Variants in LHX4 observed in about 807,000 individuals in gnomAD.
LHX4 encodes LIM/homeobox protein Lhx4.
A neutral mutation model predicts 39.2 loss-of-function variants in LHX4; 16 were observed. The observed-to-expected ratio is 0.41, with a 90% CI of 0.28 to 0.62. LHX4 has a LOEUF of 0.62. Ranked by LOEUF, LHX4 falls within the 20% of genes least tolerant of loss-of-function variation. The pLI, the probability that LHX4 is intolerant of heterozygous loss-of-function variation, is 0.33. For synonymous variants in LHX4, 206 were observed against 198.1 expected (o/e 1.04, Z -0.33); for missense variants, 439 against 511.9 (o/e 0.86, Z 1.37).
Position 180,258,236 on chromosome 1 carries a change from T to TC in LHX4, c.249-8151dup, listed in dbSNP as rs1172134303. Among the ~76,000 whole-genome samples the TC allele has an allele frequency of 6.6e-5, 10 of 151,692 alleles. No homozygotes were observed. The East Asian group carries it at 1.9e-3, about 30-fold the overall frequency. ...GCTGAGGGGGAGGGGTCCAGGGGTG[T>TC]CCCCCTGAGCAGGTGACATTTCAGG... On this transcript the variant is annotated intron_variant, in intron 2 of 5. Coordinates refer to ENST00000263726, the MANE Select transcript of LHX4 (RefSeq NM_033343.4).
intron 2 of LHX4, among the ~76,000 whole-genome samples, chr1:180,252,915 C>T (rs1425716176): frequency 2.0e-5 from 3 of 152,198 alleles, no homozygotes; most frequent in African/African-American, 7.2e-5. Flanking sequence ...TGAGCTCTGT[C>T]TTGCTCAGTA....
At chr1:180,254,489 G>A (rs1571270538) in intron 2 of LHX4, among the ~76,000 whole-genome samples, 1 of 152,218 alleles carries the variant, frequency 6.6e-6, no homozygotes, top group Non-Finnish European at 1.5e-5. Flanking sequence ...ATTTATCTCC[G>A]CAGTCCAGAA....
upstream of LHX4, among the ~76,000 whole-genome samples, chr1:180,229,728 GT>G (rs1271139149): frequency 1.3e-5 from 2 of 151,712 alleles, no homozygotes; most frequent in African/African-American, 4.8e-5. Context: ...ACGCAGCCCC[GT>G]CCCCGGCCTC....
At chr1:180,237,538 A>G (rs1002239619) in intron 1 of LHX4, among the ~76,000 whole-genome samples, 1 of 147,360 alleles carries the variant, frequency 6.8e-6, no homozygotes, top group Non-Finnish European at 1.5e-5. Context: ...CTCCCTTGGA[A>G]AATGGACTTT....
chr1:180,237,272 ATC>A (rs1387812623), intron 1 of LHX4, among the ~76,000 whole-genome samples: 4 of 151,990 alleles, frequency 2.6e-5, no homozygotes, highest in Admixed American at 1.3e-4. Context: ...TGGTGGAGCC[ATC>A]TCTCTTTCTA....
chr1:180,268,500 G>A (rs1286847500), intron 3 of LHX4, among the ~76,000 whole-genome samples: 1 of 152,218 alleles, frequency 6.6e-6, no homozygotes, highest in Admixed American at 6.5e-5. Flanking sequence ...GTCAGAAGCT[G>A]GCTGGGCATC....
Position 180,276,834 on chromosome 1 carries a change from A to AGC in LHX4, c.*2256_*2257insCG, listed in dbSNP as rs1649060442. The AGC allele has an allele frequency of 3.8e-4, 10 of 26,424 alleles. No individual in the cohort carries two copies. In the South Asian group the frequency reaches 0.013, roughly 35 times the overall value. The allele number at this position is 26,424 out of a possible 1,614,324, so 1.6% of individuals were successfully genotyped here. ...TGTGGGGGAGAGCAGGCTTTTTAAA[A>AGC]GGGGGGGGGGCATCCTCCTCTGTGT... On this transcript the variant is annotated 3_prime_UTR_variant, in exon 6 of 6. Coordinates refer to ENST00000263726, the MANE Select transcript of LHX4 (RefSeq NM_033343.4).
At position 180,232,415 on chromosome 1, in the gene LHX4, G is replaced by C. The variant is rs542129541; in HGVS notation, c.76+1810G>C. 6.6e-6 allele frequency among the ~76,000 whole-genome samples: 1 copy of C among 152,314 alleles called. No individual in the cohort carries two copies. Among genetic ancestry groups the C allele is most frequent in the East Asian group, 1.9e-4 (1 of 5,186 alleles). ...GACAACTTTGATGTTCGACGTCAGG[G>C]AGTCGCTTTGCTAAAATGCCCAGAA... On this transcript the variant is annotated intron_variant, in intron 1 of 5. Coordinates refer to ENST00000263726, the MANE Select transcript of LHX4 (RefSeq NM_033343.4). The surrounding 1 kb of genome is among the most constrained non-coding windows in gnomAD (Gnocchi z 5.4).
At chr1:180,254,691 G>C (rs527407773) in intron 2 of LHX4, among the ~76,000 whole-genome samples, 1 of 152,342 alleles carries the variant, frequency 6.6e-6, no homozygotes, top group Non-Finnish European at 1.5e-5. Context: ...TTCATGGAGA[G>C]CAGGTGCGGG....
chr1:180,242,766 C>T (rs575605344), intron 1 of LHX4, among the ~76,000 whole-genome samples: 82 of 152,214 alleles, frequency 5.4e-4, no homozygotes, highest in Non-Finnish European at 9.1e-4. Context: ...CAGAGAGCAT[C>T]GTCACGAAAT....
At chr1:180,250,569 G>A (rs1409187225) in intron 2 of LHX4, among the ~76,000 whole-genome samples, 1 of 152,186 alleles carries the variant, frequency 6.6e-6, no homozygotes, top group Non-Finnish European at 1.5e-5. Flanking sequence ...CTGGATGTCC[G>A]AGTCAGACCT....
At chr1:180,248,531 G>T in intron 2 of LHX4, 75 bp downstream of exon 2, 1 of 1,535,294 alleles carries the variant, frequency 6.5e-7, no homozygotes, top group Non-Finnish European at 9.0e-7. Flanking sequence ...GAAGTTTGCA[G>T]CAGGGTAGGC....
rs1002278732 is a variant in LHX4, at chr1:180,274,632, A to G, written c.*53A>G. On this transcript the variant is annotated 3_prime_UTR_variant, in exon 6 of 6. Coordinates refer to ENST00000263726, the MANE Select transcript of LHX4 (RefSeq NM_033343.4). ...CCCCTGGCTTGAGAGAATATCTTCAAGGATCAAAAGAGACTTGCCTTTTAA... is the reference window on the plus strand; with the variant it reads ...CCCCTGGCTTGAGAGAATATCTTCAGGGATCAAAAGAGACTTGCCTTTTAA... The G allele has an allele frequency of 1.6e-5, 24 of 1,494,300 alleles. No homozygotes were observed. The highest frequency in any genetic ancestry group is 2.0e-5 in the Non-Finnish European group (22 of 1,125,428). 92.6% of individuals were successfully genotyped at this position (1,494,300 alleles called of 1,614,324 possible).
At chr1:180,271,797 G>A (rs757218528) in intron 4 of LHX4, 38 bp from the exon 5 acceptor site, 4 of 1,611,506 alleles carry the variant, frequency 2.5e-6, no homozygotes, top group Middle Eastern at 1.7e-4. Context: ...GTTTGTGGTG[G>A]ACGCCCCCTG....
At chr1:180,267,580 C>A (rs765590163) in intron 3 of LHX4, among the ~76,000 whole-genome samples, 1 of 152,212 alleles carries the variant, frequency 6.6e-6, no homozygotes, top group Non-Finnish European at 1.5e-5. Context: ...TGGGATTTGG[C>A]CAAACCCAAC....
At chr1:180,257,075 C>T (rs928272058) in intron 2 of LHX4, among the ~76,000 whole-genome samples, 9 of 152,230 alleles carry the variant, frequency 5.9e-5, no homozygotes, top group Admixed American at 1.3e-4. Context: ...AGGTCCTGCA[C>T]GTCCCGTTGC....
At chr1:180,264,509 G>T (rs1447247055) in intron 2 of LHX4, among the ~76,000 whole-genome samples, 1 of 152,110 alleles carries the variant, frequency 6.6e-6, no homozygotes, top group East Asian at 1.9e-4. Context: ...GTTCTGGGAG[G>T]TCTAGAACCA....
At position 180,274,462 on chromosome 1, in the gene LHX4, G is replaced by T. The variant is rs765708017; in HGVS notation, c.1056G>T (p.Leu352=). 9.3e-6 allele frequency: 15 copies of T among 1,614,086 alleles called. No homozygotes were observed. The South Asian group carries it at 1.6e-4, about 18-fold the overall frequency. Residue 352 remains leucine (L), a synonymous_variant, in exon 6 of 6, where the codon CTG becomes CTT. Transcript: ENST00000263726. ...CAGGGCAGGGAGTAAGCCAGACGCT[G>T]AGAGCCATGGCTGGGGGACCCACCT... ...AHAGQGVSQT[L]RAMAGGPTSD... is the part of the protein sequence containing the mutation.
chr1:180,258,148 T>A (rs1647948190), intron 2 of LHX4, among the ~76,000 whole-genome samples: 3 of 151,956 alleles, frequency 2.0e-5, no homozygotes. Context: ...GGAAACAGGG[T>A]CAGCAAGAAA....
Sources: allele counts gnomAD v4.1 joint callset (sites outside exome capture counted in the v4.1 genomes callset), GRCh38; gene constraint gnomAD v4.1.1; non-coding constraint Gnocchi (gnomAD v3.1); transcripts MANE v1.5; gene names NCBI Gene and HGNC (gene_info 2026-07-23, HGNC 2026-07-21).